Variants in DPP6 observed in about 807,000 individuals in gnomAD.
The protein encoded by DPP6 is dipeptidyl peptidase like 6.
Under a neutral mutation model 122.6 loss-of-function variants are expected in DPP6, and 69 were observed. The observed-to-expected ratio is 0.56, with a 90% CI of 0.46 to 0.69. The LOEUF is 0.69. Among genes scored for constraint, DPP6 ranks in the 30% least tolerant of loss-of-function variants. DPP6 has a pLI of 0.00. For missense variants in DPP6, 928 were observed against 1,116.9 expected, an observed-to-expected ratio of 0.83 and a Z score of 2.41; for synonymous variants, 418 against 433.1, an observed-to-expected ratio of 0.97 and a Z score of 0.43.
chr7:153,990,812 G>A (rs1797139005), intron 1 of DPP6, among the ~76,000 whole-genome samples: 1 of 152,220 alleles, frequency 6.6e-6, no homozygotes, highest in Non-Finnish European at 1.5e-5. Context: ...AAGAAAAGAG[G>A]ACGAAGGAGT....
At chr7:154,700,121 A>C (rs764903422) in intron 7 of DPP6, among the ~76,000 whole-genome samples, 23 of 152,128 alleles carry the variant, frequency 1.5e-4, no homozygotes, top group Non-Finnish European at 2.8e-4. Flanking sequence ...TACTATGTGA[A>C]TGTAAAATAA....
At chr7:154,396,560 G>T (rs1815106116) in intron 1 of DPP6, among the ~76,000 whole-genome samples, 2 of 152,184 alleles carry the variant, frequency 1.3e-5, no homozygotes, top group Admixed American at 1.3e-4. Context: ...AAGATAAAAA[G>T]ACAATCGGTG....
At chr7:154,130,032 T>C in intron 1 of DPP6, among the ~76,000 whole-genome samples, 1 of 149,640 alleles carries the variant, frequency 6.7e-6, no homozygotes, top group Admixed American at 6.6e-5. Flanking sequence ...GAGGTTGCAG[T>C]GAGCCGAGAT....
In DPP6 at chr7:154,476,713, T is replaced by C. The variant is rs190766617; in HGVS notation, c.457+1676T>C. 4.6e-5 allele frequency among the ~76,000 whole-genome samples: 7 copies of C among 152,336 alleles called. No individual in the cohort carries two copies. The East Asian group carries it at 1.4e-3, about 29-fold the overall frequency. Reference sequence around the variant, plus strand: ...GTTAGGTCTAGAATGTTAGTCTTGCTAAACCCTGGTTGGGGGAACCAAAAC... The same window carrying C: ...GTTAGGTCTAGAATGTTAGTCTTGCCAAACCCTGGTTGGGGGAACCAAAAC... On this transcript the variant is annotated intron_variant, in intron 3 of 25. Transcript: ENST00000377770.
At chr7:154,209,120 G>A (rs909652420) in intron 1 of DPP6, among the ~76,000 whole-genome samples, 13 of 152,142 alleles carry the variant, frequency 8.5e-5, no homozygotes, top group African/African-American at 2.4e-4. Context: ...TGGAGAGTTC[G>A]CCATCTTGAT....
rs1165382680 is a variant in DPP6 at position 154,403,662 on chromosome 7, G to A, written c.244-42552G>A. On this transcript the variant is annotated intron_variant, in intron 1 of 25. Transcript: ENST00000377770. This position sits in a 1 kb window ranked among gnomAD's most constrained non-coding sequence, Gnocchi z 4.1. ...AACCTGTTTGGGGCACGTGAAGAGTGGGCCAGAGTGCCAGGGAGGCAGCAA... is the reference window on the plus strand; with the variant it reads ...AACCTGTTTGGGGCACGTGAAGAGTAGGCCAGAGTGCCAGGGAGGCAGCAA... Among the ~76,000 whole-genome samples the A allele has an allele frequency of 6.6e-6, 1 of 152,210 alleles. No individual in the cohort carries two copies. The highest frequency in any genetic ancestry group is 6.5e-5 in the Admixed American group (1 of 15,290).
intron 7 of DPP6, among the ~76,000 whole-genome samples, chr7:154,692,051 G>A (rs1209597962): frequency 6.6e-6 from 1 of 152,068 alleles, no homozygotes; most frequent in Non-Finnish European, 1.5e-5. Context: ...TTCATGAATA[G>A]GGCAAAAAGA....
At chr7:154,795,063 G>A (rs3807266) in intron 11 of DPP6, among the ~76,000 whole-genome samples, 16,018 of 152,048 alleles carry the variant, frequency 0.11, 1,089 homozygotes, top group African/African-American at 0.19. Flanking sequence ...ACCTGGGGCG[G>A]ATTCCAGGCT....
the DPP6 span, among the ~76,000 whole-genome samples, chr7:153,815,557 C>T: frequency 1.3e-4 from 20 of 151,682 alleles, no homozygotes; most frequent in African/African-American, 4.9e-4. Context: ...TGTGGCGTTC[C>T]CCTTCCTGTG....
chr7:154,753,152 A>G (rs1209755881), intron 8 of DPP6, among the ~76,000 whole-genome samples: 1 of 152,124 alleles, frequency 6.6e-6, no homozygotes, highest in Non-Finnish European at 1.5e-5. Context: ...CAGGCTACAA[A>G]GTTGACATTG....
chr7:154,696,123 G>T (rs1428764160), intron 7 of DPP6, among the ~76,000 whole-genome samples: 1 of 152,212 alleles, frequency 6.6e-6, no homozygotes, highest in Non-Finnish European at 1.5e-5. Flanking sequence ...GCGATCCTCA[G>T]AGCCCCGCCT....
At chr7:154,152,995 TA>T (rs1234925670) in intron 1 of DPP6, among the ~76,000 whole-genome samples, 2 of 152,228 alleles carry the variant, frequency 1.3e-5, no homozygotes, top group African/African-American at 2.4e-5. Context: ...TCAGTGTACA[TA>T]AAAAGCATAA....
At chr7:153,894,693 C>T (rs926438633) in intron 1 of DPP6, among the ~76,000 whole-genome samples, 1 of 152,148 alleles carries the variant, frequency 6.6e-6, no homozygotes, top group Admixed American at 6.5e-5. Context: ...TTCCCCAGTA[C>T]CCACCCCTGG....
chr7:154,133,993 C>T (rs547821966), intron 1 of DPP6, among the ~76,000 whole-genome samples: 106 of 151,776 alleles, frequency 7.0e-4, no homozygotes, highest in African/African-American at 2.5e-3. Context: ...AGCTCCCAAA[C>T]CAGACTTTGT....
the DPP6 span, among the ~76,000 whole-genome samples, chr7:153,807,407 TCAAACAAA>T: frequency 5.4e-5 from 8 of 148,574 alleles, no homozygotes; most frequent in African/African-American, 1.3e-4. Flanking sequence ...AGACTCCATC[TCAAACAAA>T]CAAACAAACA....
At chr7:154,514,853 G>A (rs2129864304) in intron 3 of DPP6, among the ~76,000 whole-genome samples, 1 of 152,274 alleles carries the variant, frequency 6.6e-6, no homozygotes, top group Admixed American at 6.5e-5. Flanking sequence ...GCACATGAGT[G>A]TACAAATATC....
At chr7:153,951,180 A>G in intron 1 of DPP6, among the ~76,000 whole-genome samples, 1 of 152,232 alleles carries the variant, frequency 6.6e-6, no homozygotes, top group African/African-American at 2.4e-5. Context: ...ACTCTGCAGA[A>G]AAGTGAGAAG....
chr7:154,682,746 T>C (rs1287400117), intron 7 of DPP6, among the ~76,000 whole-genome samples: 2 of 152,224 alleles, frequency 1.3e-5, no homozygotes, highest in Non-Finnish European at 2.9e-5. Context: ...TAGAGGTTAA[T>C]TATCAATACT....
intron 1 of DPP6, among the ~76,000 whole-genome samples, chr7:154,242,947 G>C (rs563293535): frequency 6.6e-6 from 1 of 152,176 alleles, no homozygotes; most frequent in South Asian, 2.1e-4. Context: ...CCAGAATGGA[G>C]AGAACTCATT....
Sources: allele counts gnomAD v4.1 joint callset (sites outside exome capture counted in the v4.1 genomes callset), GRCh38; gene constraint gnomAD v4.1.1; non-coding constraint Gnocchi (gnomAD v3.1); transcripts MANE v1.5; gene names NCBI Gene and HGNC (gene_info 2026-07-23, HGNC 2026-07-21).